ANK1: variants seen among roughly 807,000 people sequenced by gnomAD.
ANK1 encodes the protein ankyrin-1.
A neutral mutation model predicts 210.4 loss-of-function variants in ANK1; 51 were observed. That is an observed-to-expected ratio of 0.24 (90% CI 0.19 to 0.31). ANK1 has a LOEUF of 0.31. Ranked by LOEUF, ANK1 falls within the 10% of genes least tolerant of loss-of-function variation. ANK1 has a pLI of 1.00. For synonymous variants in ANK1, 967 were observed against 1,025.9 expected (o/e 0.94, Z 1.10); for missense variants, 2,051 against 2,504.4 (o/e 0.82, Z 3.86).
At chr8:41,673,790 G>C (rs767302699) in intron 37 of ANK1, among the ~76,000 whole-genome samples, 1 of 152,214 alleles carries the variant, frequency 6.6e-6, no homozygotes, top group Non-Finnish European at 1.5e-5. Flanking sequence ...CTTCAGAGCA[G>C]GTGCCTCTGT....
intron 1 of ANK1, among the ~76,000 whole-genome samples, chr8:41,843,688 C>T (rs1024356435): frequency 6.6e-6 from 1 of 152,216 alleles, no homozygotes; most frequent in Non-Finnish European, 1.5e-5. Flanking sequence ...CCAAACCCCA[C>T]AATGCCAGAT....
Position 41,727,770 on chromosome 8 carries a change from A to G in ANK1, c.327+138T>C, listed in dbSNP as rs78450999. On this transcript the variant is annotated intron_variant, in intron 4 of 42. Coordinates refer to ENST00000289734, the MANE Select transcript of ANK1 (RefSeq NM_000037.4). The stretch of plus-strand genomic sequence containing the variant: ...GACACCTTCACCACTGCTCAGAGAC[A>G]TGCTCCTGAGAAATCTAGGCCCTGC... 3 of 790,436 alleles carry G rather than the reference A, an allele frequency of 3.8e-6. No individual in the cohort carries two copies. In the East Asian group the frequency reaches 7.9e-5, roughly 21 times the overall value. The allele number at this position is 790,436 out of a possible 1,614,324, so 49.0% of individuals were successfully genotyped here.
intron 1 of ANK1, among the ~76,000 whole-genome samples, chr8:41,816,393 G>A (rs1803337620): frequency 6.6e-6 from 1 of 152,158 alleles, no homozygotes; most frequent in African/African-American, 2.4e-5. Context: ...TATATTTAAT[G>A]CTAACAATTC....
chr8:41,850,366 T>C (rs1487525563), intron 1 of ANK1, among the ~76,000 whole-genome samples: 1 of 152,104 alleles, frequency 6.6e-6, no homozygotes, highest in Non-Finnish European at 1.5e-5. Flanking sequence ...AAAAGTTGTT[T>C]CTTCCAGAAA....
chr8:41,857,855 G>A (rs1270699126), intron 1 of ANK1, among the ~76,000 whole-genome samples: 1 of 152,000 alleles, frequency 6.6e-6, no homozygotes, highest in African/African-American at 2.4e-5. Context: ...AGTGAGACAA[G>A]ATCATGCCAC....
rs140171361 is a variant in ANK1, at chr8:41,812,499, G to C, written c.127-54362C>G. Among the ~76,000 whole-genome samples, 664 of 152,322 alleles carry C rather than the reference G, an allele frequency of 4.4e-3. 5 individuals are homozygous for C. Among genetic ancestry groups the C allele is most frequent in the African/African-American group, 0.016 (651 of 41,584 alleles). On this transcript the variant is annotated intron_variant, in intron 1 of 42. Transcript: ENST00000265709. ...GGCTGTCCTGCTATGCAGATAAAAAGTAAAAGTTGTCTAGAGCAGTCCTCT... is the reference window on the plus strand; with the variant it reads ...GGCTGTCCTGCTATGCAGATAAAAACTAAAAGTTGTCTAGAGCAGTCCTCT...
chr8:41,838,335 G>A (rs1808172260), intron 1 of ANK1, among the ~76,000 whole-genome samples: 1 of 152,220 alleles, frequency 6.6e-6, no homozygotes, highest in Non-Finnish European at 1.5e-5. Context: ...CCACGCTGTA[G>A]GACCTGAATA....
intron 39 of ANK1, among the ~76,000 whole-genome samples, chr8:41,666,450 C>T (rs892154188): frequency 3.9e-5 from 6 of 152,118 alleles, no homozygotes; most frequent in South Asian, 2.1e-4. Flanking sequence ...CAAGAAAGCA[C>T]GGGGAAAAGT....
At chr8:41,880,330 C>G (rs976988390) in intron 1 of ANK1, among the ~76,000 whole-genome samples, 1 of 152,192 alleles carries the variant, frequency 6.6e-6, no homozygotes, top group African/African-American at 2.4e-5. Flanking sequence ...GTTTGCCAAT[C>G]TCTGAAGCAA....
intron 1 of ANK1, among the ~76,000 whole-genome samples, chr8:41,855,347 G>T (rs541773844): frequency 1.9e-4 from 29 of 152,318 alleles, no homozygotes; most frequent in African/African-American, 7.0e-4. Context: ...AGTGAAGAAA[G>T]TGGGCTGCAA....
rs781617434 is a variant in ANK1 at position 41,725,828 on chromosome 8, C to G, written c.545G>C (p.Arg182Pro). The change falls in exon 6 of 43, where the codon CGC becomes CCC. Residue 182 changes from arginine (R) to proline (P), a missense_variant. Physicochemically the swap from Arg to Pro is moderately radical, Grantham distance 103. This residue lies in a region of ANK1 where 1,413 missense variants were observed against 1,707.4 expected (regional missense o/e 0.83). Transcript: ENST00000289734. Reference sequence around the variant, plus strand: ...CGCAGCCGTGCGCGTGTCGTCGTTGCGGGCCGCGATGTGCAGGGCCGGGAG... The same window carrying G: ...CGCAGCCGTGCGCGTGTCGTCGTTGGGGGCCGCGATGTGCAGGGCCGGGAG... ...VRLPALHIAA[R>P]NDDTRTAAVL... is the part of the protein sequence containing the mutation. 6.2e-7 allele frequency: 1 copy of G among 1,611,874 alleles called. No homozygotes were observed. The highest frequency in any genetic ancestry group is 8.5e-7 in the Non-Finnish European group (1 of 1,179,614).
intron 1 of ANK1, among the ~76,000 whole-genome samples, chr8:41,762,353 C>T (rs551775457): frequency 5.3e-5 from 8 of 152,198 alleles, no homozygotes; most frequent in African/African-American, 1.7e-4. Context: ...ATCTAGGAAC[C>T]ACAAAACAGG....
At chr8:41,719,543 C>A in intron 10 of ANK1, 118 bp downstream of exon 10, 1 of 1,368,050 alleles carries the variant, frequency 7.3e-7, no homozygotes, top group Non-Finnish European at 1.0e-6. Context: ...GCTCAGGCCT[C>A]GAATCTGGGG....
In ANK1 at chr8:41,695,287, C is replaced by T. The variant is rs771589323; in HGVS notation, c.3005G>A (p.Gly1002Glu). ...EIPHFASHGR[G>E]DRELVVLRSE... is the part of the protein sequence containing the mutation. ...CCTCAGAACCACGAGCTCGCGGTCT[C>T]CACGGCCATGGGAGGCAAAGTGCGG... Residue 1002 changes from glycine to glutamate, a missense_variant, in exon 27 of 43, where the codon GGA becomes GAA. Coordinates refer to ENST00000289734, the MANE Select transcript of ANK1 (RefSeq NM_000037.4). 6.2e-7 allele frequency: 1 copy of T among 1,614,078 alleles called. No individual in the cohort carries two copies. The highest frequency in any genetic ancestry group is 8.5e-7 in the Non-Finnish European group (1 of 1,180,028).
chr8:41,686,376 G>A (rs2150580614), intron 35 of ANK1, 93 bp from the exon 36 acceptor site: 2 of 1,542,388 alleles, frequency 1.3e-6, no homozygotes, highest in South Asian at 2.2e-5. Flanking sequence ...CTGGGGCGTG[G>A]GGGGACCCAG....
At chr8:41,710,836 G>T (rs943759259) in intron 16 of ANK1, among the ~76,000 whole-genome samples, 6 of 152,238 alleles carry the variant, frequency 3.9e-5, no homozygotes, top group Non-Finnish European at 7.3e-5. Context: ...AAAGAAAGGG[G>T]CTGGCCAAGG....
chr8:41,664,254 T>G, intron 39 of ANK1: 2 of 441,230 alleles, frequency 4.5e-6, no homozygotes, highest in South Asian at 3.2e-5. Flanking sequence ...GGAGGACCAC[T>G]TGAGCCCAGG....
chr8:41,811,209 T>C (rs1261040341), intron 1 of ANK1, among the ~76,000 whole-genome samples: 1 of 152,222 alleles, frequency 6.6e-6, no homozygotes, highest in Non-Finnish European at 1.5e-5. Flanking sequence ...TCAAACCTTG[T>C]TTCATGAATG....
intron 40 of ANK1, among the ~76,000 whole-genome samples, chr8:41,662,163 A>C (rs1021040949): frequency 2.0e-5 from 3 of 151,930 alleles, no homozygotes; most frequent in Non-Finnish European, 4.4e-5. Context: ...AGGCTGTGGC[A>C]GGAGAATCAC....
Sources: gnomAD v4.1 joint callset for allele counts (sites outside exome capture counted in the v4.1 genomes callset) on GRCh38, gnomAD v4.1.1 for gene constraint, gnomAD v4.1.1 regional missense constraint, MANE v1.5 for transcripts, NCBI Gene and HGNC (gene_info 2026-07-23, HGNC 2026-07-21) for gene names.